SPATA7: variants seen among roughly 807,000 people sequenced by gnomAD.
SPATA7 encodes spermatogenesis-associated protein 7.
Under a neutral mutation model 51.8 loss-of-function variants are expected in SPATA7, and 43 were observed. The observed-to-expected ratio is 0.83, with a 90% CI of 0.65 to 1.07. SPATA7 has a LOEUF of 1.07. SPATA7 is among the 50% of genes least tolerant of loss of function. The pLI, the probability that SPATA7 is intolerant of heterozygous loss-of-function variation, is 0.00. For missense variants in SPATA7, 683 were observed against 701.3 expected, an observed-to-expected ratio of 0.97 and a Z score of 0.30; for synonymous variants, 230 against 252.8, an observed-to-expected ratio of 0.91 and a Z score of 0.86.
chr14:88,409,502 A>C (rs2076284023), intron 4 of SPATA7, among the ~76,000 whole-genome samples: 1 of 151,838 alleles, frequency 6.6e-6, no homozygotes, highest in Non-Finnish European at 1.5e-5. Flanking sequence ...TAGTCTGGCT[A>C]GTGGTCTATC....
chr14:88,430,555 T>G (rs893034180), intron 8 of SPATA7, among the ~76,000 whole-genome samples: 2 of 152,148 alleles, frequency 1.3e-5, no homozygotes, highest in Non-Finnish European at 2.9e-5. Flanking sequence ...ATGACCACCT[T>G]TAAAAATATT....
chr14:88,429,335 A>G lies in SPATA7; in HGVS notation c.913-13A>G. 1.3e-6 allele frequency: 2 copies of G among 1,498,694 alleles called. No homozygotes were observed. Among genetic ancestry groups the G allele is most frequent in the Non-Finnish European group, 1.9e-6 (2 of 1,075,856 alleles). 92.8% of individuals were successfully genotyped at this position (1,498,694 alleles called of 1,614,324 possible). ...TTAAGCAAAAATAAATATTTTTTTT[A>G]TTGCATCCCCAGGCATCTAATTGTG... is the stretch of plus-strand genomic sequence containing the variant. On this transcript the variant is annotated splice_polypyrimidine_tract_variant and intron_variant, in intron 7 of 11. Coordinates refer to ENST00000393545, the MANE Select transcript of SPATA7 (RefSeq NM_018418.5).
chr14:88,431,011 A>C (rs916391331), intron 8 of SPATA7, among the ~76,000 whole-genome samples, 161 bp from the exon 9 acceptor site: 10 of 152,192 alleles, frequency 6.6e-5, no homozygotes, highest in African/African-American at 2.4e-4. Context: ...TCAACTACTA[A>C]GTATATAATG....
intron 5 of SPATA7, among the ~76,000 whole-genome samples, chr14:88,424,634 A>G (rs114582952): frequency 6.6e-6 from 1 of 152,140 alleles, no homozygotes; most frequent in African/African-American, 2.4e-5. Context: ...ATATTTTTAG[A>G]CTGTACTTAG....
intron 4 of SPATA7, among the ~76,000 whole-genome samples, chr14:88,413,393 A>G (rs1033514669): frequency 6.6e-6 from 1 of 152,128 alleles, no homozygotes; most frequent in African/African-American, 2.4e-5. Flanking sequence ...TTGCACATTG[A>G]TTTTGTGTCC....
At chr14:88,421,576 A>G (rs960072922) in intron 5 of SPATA7, among the ~76,000 whole-genome samples, 1 of 152,210 alleles carries the variant, frequency 6.6e-6, no homozygotes, top group African/African-American at 2.4e-5. Context: ...AGACAGTTGC[A>G]GTAATCTGGG....
chr14:88,385,902 C>G (rs772060555), intron 1 of SPATA7, 65 bp downstream of exon 1: 4 of 1,553,402 alleles, frequency 2.6e-6, no homozygotes, highest in East Asian at 2.4e-5. Context: ...CTCCCAGCCT[C>G]GGGTCCGGGC....
intron 4 of SPATA7, among the ~76,000 whole-genome samples, chr14:88,413,206 T>C (rs1478154785): frequency 2.6e-5 from 4 of 152,194 alleles, no homozygotes; most frequent in African/African-American, 7.2e-5. Context: ...TCCGTTTGTG[T>C]GTGTCAGCTC....
At chr14:88,399,365 T>C (rs538160716) in intron 4 of SPATA7, among the ~76,000 whole-genome samples, 1 of 152,270 alleles carries the variant, frequency 6.6e-6, no homozygotes, top group East Asian at 1.9e-4. Flanking sequence ...TAGGCTGTCA[T>C]ATTTTTGAAG....
chr14:88,416,594 T>G, intron 4 of SPATA7, 117 bp from the exon 5 acceptor site: 1 of 998,342 alleles, frequency 1.0e-6, no homozygotes, highest in Non-Finnish European at 1.5e-6. Flanking sequence ...AAATGGATTT[T>G]TATTTACATA....
intron 1 of SPATA7, among the ~76,000 whole-genome samples, chr14:88,387,826 G>A (rs2075623949): frequency 6.6e-6 from 1 of 152,116 alleles, no homozygotes; most frequent in Admixed American, 6.5e-5. Context: ...TTCCTATGGG[G>A]GAAGGTGAAG....
intron 4 of SPATA7, among the ~76,000 whole-genome samples, chr14:88,460,982 CCT>C (rs1231483377): frequency 6.6e-6 from 1 of 152,158 alleles, no homozygotes; most frequent in Non-Finnish European, 1.5e-5. Context: ...CACTCCAGAC[CCT>C]GTTTGCCTGG....
downstream of SPATA7, among the ~76,000 whole-genome samples, chr14:88,442,172 C>CTTTTTGTT (rs111871632): frequency 6.3e-4 from 94 of 149,462 alleles, no homozygotes; most frequent in African/African-American, 1.8e-3. Flanking sequence ...GTCTATATGC[C>CTTTTTGTT]TGTTTGTTTG....
chr14:88,417,977 A>G (rs1243433682), intron 5 of SPATA7, among the ~76,000 whole-genome samples: 1 of 152,180 alleles, frequency 6.6e-6, no homozygotes, highest in Non-Finnish European at 1.5e-5. Flanking sequence ...TACTGATTCA[A>G]TTTTTTAAGT....
At chr14:88,412,641 T>C (rs1331571955) in intron 4 of SPATA7, among the ~76,000 whole-genome samples, 1 of 152,244 alleles carries the variant, frequency 6.6e-6, no homozygotes, top group African/African-American at 2.4e-5. Flanking sequence ...ACCAATACTT[T>C]GCATCCTTCA....
intron 9 of SPATA7, among the ~76,000 whole-genome samples, chr14:88,432,039 C>A (rs2076956680): frequency 6.6e-6 from 1 of 152,070 alleles, no homozygotes; most frequent in South Asian, 2.1e-4. Context: ...TTACCTGATA[C>A]TTTTTAATAA....
chr14:88,468,509 AT>A (rs571275649), intron 4 of SPATA7, among the ~76,000 whole-genome samples: 5 of 152,290 alleles, frequency 3.3e-5, no homozygotes, highest in African/African-American at 4.8e-5. Flanking sequence ...CTGACTTTGT[AT>A]GGTTGGACAT....
chr14:88,429,266 C>A, intron 7 of SPATA7, 82 bp from the exon 8 acceptor site: 1 of 743,804 alleles, frequency 1.3e-6, no homozygotes, highest in Non-Finnish European at 2.4e-6. Flanking sequence ...TCTGTTCAAT[C>A]ACTTAAAATT....
chr14:88,447,043 G>A (rs1460094140), intron 3 of SPATA7, among the ~76,000 whole-genome samples: 1 of 151,880 alleles, frequency 6.6e-6, no homozygotes. Flanking sequence ...TATCCTTGTT[G>A]ACTTTCTGTC....
Sources: gnomAD v4.1 joint callset for allele counts (sites outside exome capture counted in the v4.1 genomes callset) on GRCh38, gnomAD v4.1.1 for gene constraint, MANE v1.5 for transcripts, NCBI Gene and HGNC (gene_info 2026-07-23, HGNC 2026-07-21) for gene names.